The following HIP1 variants were observed in gnomAD, a reference collection of about 807,000 sequenced individuals.
HIP1 encodes huntingtin-interacting protein 1.
HIP1 carries 65 observed loss-of-function variants against 147.6 expected under a neutral mutation model. That is an observed-to-expected ratio of 0.44 (90% CI 0.36 to 0.54). The LOEUF is 0.54. Ranked by LOEUF, HIP1 falls within the 20% of genes least tolerant of loss-of-function variation. The pLI is 0.00. For missense variants in HIP1, 1,061 were observed against 1,299.6 expected (o/e 0.82, Z 2.82); for synonymous variants, 479 against 504.0 (o/e 0.95, Z 0.67).
chr7:75,616,222 C>A (rs1797657383), intron 1 of HIP1, among the ~76,000 whole-genome samples: 3 of 151,974 alleles, frequency 2.0e-5, no homozygotes, highest in Admixed American at 1.3e-4. Context: ...GCCCACCAGC[C>A]AAACCTGGCC....
Position 75,585,647 on chromosome 7 carries a change from G to C in HIP1, c.465+1106C>G, listed in dbSNP as rs1037880123. Among the ~76,000 whole-genome samples the C allele has an allele frequency of 4.0e-5, 6 of 151,002 alleles. No homozygotes were observed. In the East Asian group the frequency reaches 1.2e-3, roughly 30 times the overall value. ...CAGCCCAAGGGCAGCCCGACTCCCC[G>C]CCTCAGCCTCTGACACCCTGGCCTG... On this transcript the variant is annotated intron_variant, in intron 5 of 30. Transcript: ENST00000336926.
Position 75,562,175 on chromosome 7 carries a change from G to A in HIP1, c.1021-5C>T. ...AAACTTGTTGTCAAATAAATTCTGT[G>A]GTTGACCAAAAAGGAGTGAGAATAA... On this transcript the variant is annotated splice_polypyrimidine_tract_variant and splice_region_variant and intron_variant, in intron 11 of 30. Transcript: ENST00000336926. The A allele has an allele frequency of 6.2e-7, 1 of 1,602,730 alleles. No individual in the cohort carries two copies. Among genetic ancestry groups the A allele is most frequent in the Non-Finnish European group, 8.5e-7 (1 of 1,169,788 alleles).
At chr7:75,613,125 AAAG>A (rs1797507248) in intron 1 of HIP1, among the ~76,000 whole-genome samples, 1 of 152,084 alleles carries the variant, frequency 6.6e-6, no homozygotes, top group African/African-American at 2.4e-5. Context: ...AAAAGAAAGA[AAAG>A]AAAACTAGAA....
chr7:75,663,345 T>C (rs1284300219), intron 1 of HIP1, among the ~76,000 whole-genome samples: 1 of 152,000 alleles, frequency 6.6e-6, no homozygotes, highest in Non-Finnish European at 1.5e-5. Flanking sequence ...ACACCTATAG[T>C]CCCAGCTACT....
At chr7:75,701,808 A>G (rs782291422) in intron 1 of HIP1, among the ~76,000 whole-genome samples, 37 of 152,100 alleles carry the variant, frequency 2.4e-4, no homozygotes, top group Admixed American at 2.3e-3. Flanking sequence ...AGCTATGATC[A>G]CACCACTGCA....
chr7:75,715,103 G>A (rs185016197), intron 1 of HIP1, among the ~76,000 whole-genome samples: 97 of 152,246 alleles, frequency 6.4e-4, no homozygotes, highest in Non-Finnish European at 1.2e-3. Context: ...GAAAACCACA[G>A]AGCTGGCTGG....
At chr7:75,542,063 G>T in intron 28 of HIP1, 83 bp from the exon 29 acceptor site, 3 of 1,110,854 alleles carry the variant, frequency 2.7e-6, no homozygotes, top group Non-Finnish European at 4.2e-6. Context: ...CCAATGCTCT[G>T]TGGAAACGCC....
chr7:75,669,290 G>A (rs898873592), intron 1 of HIP1, among the ~76,000 whole-genome samples: 7 of 152,284 alleles, frequency 4.6e-5, no homozygotes, highest in African/African-American at 1.7e-4. Context: ...GGAGAATGGT[G>A]TGAACCCGGG....
chr7:75,537,454 G>T lies in HIP1; in HGVS notation c.*718C>A, dbSNP rs1320322894. 4.3e-6 allele frequency: 1 copy of T among 232,580 alleles called. No homozygotes were observed. Among genetic ancestry groups the T allele is most frequent in the African/African-American group, 2.2e-5 (1 of 45,190 alleles). 14.4% of individuals were successfully genotyped at this position (232,580 alleles called of 1,614,324 possible). On this transcript the variant is annotated 3_prime_UTR_variant, in exon 31 of 31. Transcript: ENST00000336926. ...CATCGCTGGAGCTACCACAGTTGGG[G>T]GGCCCTGGAGACTCAGCCCCAGGGG...
At chr7:75,646,287 A>G (rs1280114164) in intron 1 of HIP1, among the ~76,000 whole-genome samples, 4 of 152,180 alleles carry the variant, frequency 2.6e-5, no homozygotes, top group Non-Finnish European at 5.9e-5. Flanking sequence ...GGGTTTCACC[A>G]TGTTGACCAG....
In HIP1 at chr7:75,546,943, C is replaced by A; in HGVS notation, c.2555G>T (p.Gly852Val). The A allele has an allele frequency of 1.3e-6, 2 of 1,566,364 alleles. No homozygotes were observed. Among genetic ancestry groups the A allele is most frequent in the Non-Finnish European group, 8.7e-7 (1 of 1,154,124 alleles). ...KDLQREIVES[G>V]RGTASPKEFY... is the part of the protein sequence containing the mutation. ...AGGGCCCACACCCACGCTCACCCTG[C>A]CGCTCTCCACAATCTCTCTCTGGAG... The change falls in exon 25 of 31, where the codon GGC (glycine) becomes GTC (valine). Residue 852 changes from glycine (G) to valine (V), a missense_variant. Around this residue, in one of 3 missense-constraint regions of HIP1, gnomAD observed 810 missense variants for 946.8 expected, o/e 0.86. Transcript: ENST00000336926.
intron 1 of HIP1, among the ~76,000 whole-genome samples, chr7:75,683,106 C>T (rs112301405): frequency 0.014 from 2,200 of 152,106 alleles, 20 homozygotes; most frequent in Middle Eastern, 0.031. Flanking sequence ...CTCAGCCTCC[C>T]GAGCAGCTGG....
At chr7:75,574,059 A>G (rs1311501211) in intron 7 of HIP1, among the ~76,000 whole-genome samples, 158 bp from the exon 8 acceptor site, 3 of 152,160 alleles carry the variant, frequency 2.0e-5, no homozygotes, top group African/African-American at 4.8e-5. Flanking sequence ...CTCCCATGAG[A>G]TAGGTAAACG....
intron 11 of HIP1, 140 bp downstream of exon 11, chr7:75,562,795 G>T: frequency 1.3e-6 from 1 of 789,130 alleles, no homozygotes; most frequent in Non-Finnish European, 2.0e-6. Flanking sequence ...AGGATGCTCA[G>T]CCTAGGTTGG....
chr7:75,687,561 G>A (rs1262553177), intron 1 of HIP1, among the ~76,000 whole-genome samples: 3 of 152,054 alleles, frequency 2.0e-5, no homozygotes, highest in Non-Finnish European at 4.4e-5. Flanking sequence ...CTTGGTGGCG[G>A]GCACCTGTAA....
At chr7:75,639,105 T>A in intron 1 of HIP1, 1 of 984,012 alleles carries the variant, frequency 1.0e-6, no homozygotes, top group Non-Finnish European at 1.2e-6. Context: ...CCCCTGGAGA[T>A]CCCGCTTCCC....
At chr7:75,563,888 T>C (rs367887547) in intron 9 of HIP1, among the ~76,000 whole-genome samples, 39 of 151,844 alleles carry the variant, frequency 2.6e-4, no homozygotes, top group Non-Finnish European at 4.0e-4. Context: ...AATATTTTTT[T>C]TCTCTCTCTC....
chr7:75,577,291 C>G (rs1554497874), intron 7 of HIP1, among the ~76,000 whole-genome samples: 1 of 140,674 alleles, frequency 7.1e-6, no homozygotes, highest in African/African-American at 2.7e-5. Context: ...ATGATTGTGC[C>G]ACAGTACTCC....
chr7:75,540,294 TG>T (rs1794255977), intron 29 of HIP1, among the ~76,000 whole-genome samples: 1 of 151,892 alleles, frequency 6.6e-6, no homozygotes, highest in Non-Finnish European at 1.5e-5. Flanking sequence ...CCAGGTGTGG[TG>T]GTGCATGTCT....
Sources: allele counts gnomAD v4.1 joint callset (sites outside exome capture counted in the v4.1 genomes callset), GRCh38; gene constraint gnomAD v4.1.1; regional missense constraint gnomAD v4.1.1; transcripts MANE v1.5; gene names NCBI Gene and HGNC (gene_info 2026-07-23, HGNC 2026-07-21).